Variants in GLCCI1 observed in about 807,000 individuals in gnomAD.
GLCCI1 encodes the protein glucocorticoid-induced transcript 1 protein.
GLCCI1 carries 24 observed loss-of-function variants against 52.2 expected under a neutral mutation model. The ratio of observed to expected loss-of-function variants is 0.46; its 90% confidence interval spans 0.33 to 0.65. The LOEUF is 0.65. Among genes scored for constraint, GLCCI1 ranks in the 30% least tolerant of loss-of-function variants. The pLI, the probability that GLCCI1 is intolerant of heterozygous loss-of-function variation, is 0.02. For synonymous variants in GLCCI1, 310 were observed against 276.5 expected (o/e 1.12, Z -1.20); for missense variants, 704 against 701.5 (o/e 1.00, Z -0.04).
At chr7:8,052,232 G>C (rs1261396174) in intron 3 of GLCCI1, among the ~76,000 whole-genome samples, 2 of 152,108 alleles carry the variant, frequency 1.3e-5, no homozygotes, top group African/African-American at 4.8e-5. Context: ...TTACCCCTCA[G>C]TCTGGTGCCT....
At chr7:8,023,791 G>A (rs770393936) in intron 3 of GLCCI1, among the ~76,000 whole-genome samples, 3 of 151,238 alleles carry the variant, frequency 2.0e-5, no homozygotes, top group Non-Finnish European at 2.9e-5. Context: ...TAGAGATGGG[G>A]TTTTGCCATA....
chr7:7,997,900 C>CTG (rs1780967103), intron 1 of GLCCI1, among the ~76,000 whole-genome samples: 2 of 151,114 alleles, frequency 1.3e-5, no homozygotes, highest in Non-Finnish European at 2.9e-5. Context: ...GTACTCCAGC[C>CTG]TGGGTGACAG....
At chr7:7,991,943 T>A (rs1346150610) in intron 1 of GLCCI1, among the ~76,000 whole-genome samples, 2 of 152,072 alleles carry the variant, frequency 1.3e-5, no homozygotes, top group East Asian at 3.8e-4. Flanking sequence ...CTCCTCTAGA[T>A]TGAGCAGGAG....
intron 3 of GLCCI1, among the ~76,000 whole-genome samples, chr7:8,030,631 C>A (rs1483296731): frequency 6.6e-6 from 1 of 151,962 alleles, no homozygotes; most frequent in Non-Finnish European, 1.5e-5. Flanking sequence ...TGCAAACTAC[C>A]CACCTAACAA....
intron 3 of GLCCI1, among the ~76,000 whole-genome samples, chr7:8,042,022 A>T (rs796275670): frequency 6.6e-6 from 1 of 152,156 alleles, no homozygotes; most frequent in Non-Finnish European, 1.5e-5. Flanking sequence ...TAGCACATCT[A>T]TTTACAACAT....
rs761708964 is a variant in GLCCI1, at chr7:8,060,174, A to T, written c.892A>T (p.Asn298Tyr). 1.9e-6 allele frequency: 3 copies of T among 1,613,254 alleles called. No homozygotes were observed. In the South Asian group the frequency reaches 3.3e-5, roughly 18 times the overall value. ...PKSSVSRVPC[N>Y]VEGISPELEK... ...ATCATCTGTTTCGCGTGTGCCCTGC[A>T]ATGTAGAAGGAATAAGTCCTGAATT... Residue 298 changes from asparagine to tyrosine, a missense_variant, in exon 5 of 8, where the codon AAT (asparagine) becomes TAT (tyrosine). This residue lies in a region of GLCCI1 where 547 missense variants were observed against 524.8 expected (regional missense o/e 1.04). Transcript: ENST00000223145.
intron 1 of GLCCI1, among the ~76,000 whole-genome samples, chr7:7,990,315 CTG>C (rs1044769446): frequency 2.0e-5 from 3 of 152,210 alleles, no homozygotes; most frequent in African/African-American, 7.2e-5. Flanking sequence ...AACTTTGTGA[CTG>C]TAGTCTGTAT....
chr7:8,016,208 G>A (rs1455825556), intron 2 of GLCCI1, among the ~76,000 whole-genome samples: 3 of 152,180 alleles, frequency 2.0e-5, no homozygotes, highest in African/African-American at 2.4e-5. Flanking sequence ...GGTGGCTTAC[G>A]CCTGTAATCC....
intron 3 of GLCCI1, among the ~76,000 whole-genome samples, chr7:8,031,576 A>C (rs1383138149): frequency 6.6e-6 from 1 of 152,130 alleles, no homozygotes. Flanking sequence ...ATAAAGAATA[A>C]ATGCTCTAGG....
At chr7:8,073,297 A>G (rs1400685954) in intron 6 of GLCCI1, among the ~76,000 whole-genome samples, 1 of 151,028 alleles carries the variant, frequency 6.6e-6, no homozygotes, top group African/African-American at 2.5e-5. Flanking sequence ...GGAAAAAAAT[A>G]TCAATTATTT....
At chr7:8,062,010 G>C (rs1782529145) in intron 5 of GLCCI1, among the ~76,000 whole-genome samples, 1 of 152,052 alleles carries the variant, frequency 6.6e-6, no homozygotes, top group Non-Finnish European at 1.5e-5. Flanking sequence ...TTTAAGAACA[G>C]TCATGTAAAG....
intron 3 of GLCCI1, among the ~76,000 whole-genome samples, chr7:8,028,093 C>T (rs1781661328): frequency 6.6e-6 from 1 of 152,170 alleles, no homozygotes; most frequent in Non-Finnish European, 1.5e-5. Flanking sequence ...GCTTAATCTG[C>T]ACTGTAGAAC....
At chr7:8,036,138 A>G (rs1781863604) in intron 3 of GLCCI1, among the ~76,000 whole-genome samples, 1 of 152,194 alleles carries the variant, frequency 6.6e-6, no homozygotes, top group Non-Finnish European at 1.5e-5. Context: ...GCACAACCCA[A>G]TACAAAATCT....
chr7:8,025,605 A>G (rs1781601468), intron 3 of GLCCI1, among the ~76,000 whole-genome samples: 1 of 152,188 alleles, frequency 6.6e-6, no homozygotes, highest in African/African-American at 2.4e-5. Context: ...AAAAAGAATC[A>G]AAGAAATACT....
intron 1 of GLCCI1, among the ~76,000 whole-genome samples, chr7:7,997,638 G>T (rs1196150637): frequency 1.3e-5 from 2 of 151,936 alleles, no homozygotes; most frequent in Admixed American, 6.6e-5. Context: ...TTATAAAGTA[G>T]CTATAGAGGC....
chr7:8,071,170 G>C (rs1782752899), intron 6 of GLCCI1, 39 bp downstream of exon 6: 1 of 1,521,206 alleles, frequency 6.6e-7, no homozygotes, highest in South Asian at 1.1e-5. Flanking sequence ...TTTGTTATGG[G>C]CCTTGCTCAT....
intron 1 of GLCCI1, among the ~76,000 whole-genome samples, chr7:8,001,120 T>C (rs1424459365): frequency 1.3e-5 from 2 of 152,242 alleles, no homozygotes; most frequent in African/African-American, 4.8e-5. Flanking sequence ...TTTGATGCAG[T>C]TTCTTCCTAG....
chr7:8,058,515 C>G (rs895986627), intron 4 of GLCCI1, among the ~76,000 whole-genome samples: 1 of 152,138 alleles, frequency 6.6e-6, no homozygotes, highest in African/African-American at 2.4e-5. Context: ...AAGTGGCACT[C>G]TGCCTAGGGA....
rs1780551026 is a variant in GLCCI1 at position 7,978,842 on chromosome 7, C to T, written c.457+9035C>T. Reference sequence around the variant, plus strand: ...TAGCCATATGGAAACTTTACTATTCCTCATACAAACTTGTGAAGTGATCTT... The same window carrying T: ...TAGCCATATGGAAACTTTACTATTCTTCATACAAACTTGTGAAGTGATCTT... On this transcript the variant is annotated intron_variant, in intron 1 of 7. Coordinates refer to ENST00000223145, the MANE Select transcript of GLCCI1 (RefSeq NM_138426.4). Among the ~76,000 whole-genome samples, 3 of 152,212 alleles carry T rather than the reference C, an allele frequency of 2.0e-5. No homozygotes were observed. The South Asian group carries it at 6.2e-4, about 32-fold the overall frequency.
Sources: gnomAD v4.1 joint callset for allele counts (sites outside exome capture counted in the v4.1 genomes callset) on GRCh38, gnomAD v4.1.1 for gene constraint, gnomAD v4.1.1 regional missense constraint, MANE v1.5 for transcripts, NCBI Gene and HGNC (gene_info 2026-07-23, HGNC 2026-07-21) for gene names.